KCNQ1: variants seen among roughly 807,000 people sequenced by gnomAD.
KCNQ1 encodes potassium voltage-gated channel subfamily KQT member 1.
A neutral mutation model predicts 72.4 loss-of-function variants in KCNQ1; 49 were observed. That is an observed-to-expected ratio of 0.68 (90% CI 0.54 to 0.86). KCNQ1 has a LOEUF of 0.86. KCNQ1 is among the 40% of genes least tolerant of loss of function. The pLI is 0.00. For missense variants in KCNQ1, 790 were observed against 945.1 expected, an observed-to-expected ratio of 0.84 and a Z score of 2.15; for synonymous variants, 450 against 412.6, an observed-to-expected ratio of 1.09 and a Z score of -1.10.
At position 2,662,084 on chromosome 11, in the gene KCNQ1, G is replaced by A. The variant is rs374767819; in HGVS notation, c.1514+3G>A. ...ACACCCATCACCCACATCTCACAGT[G>A]AGTGCCTACATGTGCGTGAAGGGCT... On this transcript the variant is annotated splice_donor_region_variant and intron_variant, in intron 11 of 15. Transcript: ENST00000155840. 2.5e-5 allele frequency: 41 copies of A among 1,614,086 alleles called. No homozygotes were observed. Among genetic ancestry groups the A allele is most frequent in the Middle Eastern group, 3.3e-4 (2 of 6,084 alleles).
At chr11:2,709,917 A>G (rs1850977455) in intron 11 of KCNQ1, among the ~76,000 whole-genome samples, 1 of 152,096 alleles carries the variant, frequency 6.6e-6, no homozygotes, top group Non-Finnish European at 1.5e-5. Flanking sequence ...TTTACTTTTT[A>G]GCTATTAGTG....
In KCNQ1 at chr11:2,614,687, T is replaced by G. The variant is rs1353252435; in HGVS notation, c.1393+25833T>G. 7.5e-6 allele frequency: 3 copies of G among 398,404 alleles called. No individual in the cohort carries two copies. The Admixed American group carries it at 1.3e-4, about 18-fold the overall frequency. 24.7% of individuals were successfully genotyped at this position (398,404 alleles called of 1,614,324 possible). A position where few individuals can be genotyped will look rare whatever the true frequency, so the allele number is the denominator to read the frequency against. Reference sequence around the variant, plus strand: ...TTGTTGAAAATGAATTGATCATATATGTGAGTGTTTATTTCTACATTCTCT... The same window carrying G: ...TTGTTGAAAATGAATTGATCATATAGGTGAGTGTTTATTTCTACATTCTCT... On this transcript the variant is annotated intron_variant, in intron 10 of 15. Coordinates refer to ENST00000155840, the MANE Select transcript of KCNQ1 (RefSeq NM_000218.3).
rs544200429 is a variant in KCNQ1 at position 2,825,221 on chromosome 11, G to A, written c.1795-22546G>A. ...GGCTTCCCCGACCCTGCTGTCGGGC[G>A]TGTGCCTTCATAGCCCAGGAAGCCA... On this transcript the variant is annotated intron_variant, in intron 15 of 15. Coordinates refer to ENST00000155840, the MANE Select transcript of KCNQ1 (RefSeq NM_000218.3). Among the ~76,000 whole-genome samples, 8 of 152,338 alleles carry A rather than the reference G, an allele frequency of 5.3e-5. No individual in the cohort carries two copies. The East Asian group carries it at 5.8e-4, about 11-fold the overall frequency.
chr11:2,685,675 C>T, intron 11 of KCNQ1: 1 of 398,614 alleles, frequency 2.5e-6, no homozygotes, highest in Non-Finnish European at 4.4e-6. Flanking sequence ...GTTCAGGGGT[C>T]CCATGTGGAC....
At position 2,484,801 on chromosome 11, in the gene KCNQ1, G is replaced by T. The variant is rs1846712921; in HGVS notation, c.386+39317G>T. Among the ~76,000 whole-genome samples, 1 of 152,206 alleles carries T rather than the reference G, an allele frequency of 6.6e-6. No individual in the cohort carries two copies. The highest frequency in any genetic ancestry group is 1.5e-5 in the Non-Finnish European group (1 of 68,048). On this transcript the variant is annotated intron_variant, in intron 1 of 15. Transcript: ENST00000155840. The surrounding 1 kb of genome is among the most constrained non-coding windows in gnomAD (Gnocchi z 5.2). ...ATGGCACCCCCACGTCTACGCTTCT[G>T]TGTTCATCTGCAGATATATTCATAC...
chr11:2,789,103 C>T (rs2237885), intron 15 of KCNQ1, among the ~76,000 whole-genome samples: 30,973 of 152,128 alleles, frequency 0.2, 3,460 homozygotes, highest in Admixed American at 0.29. Flanking sequence ...CCAGGCTCAG[C>T]AGGCACCTCT....
In KCNQ1 at chr11:2,818,132, T is replaced by C. The variant is rs942816373; in HGVS notation, c.1795-29635T>C. On this transcript the variant is annotated intron_variant, in intron 15 of 15. Coordinates refer to ENST00000155840, the MANE Select transcript of KCNQ1 (RefSeq NM_000218.3). The surrounding 1 kb of genome is among the most constrained non-coding windows in gnomAD (Gnocchi z 7.2). ...TGAGTTCCACAACATCTAAACCCAG[T>C]GTCTGCTGGCCCTCAGAGTGGGAGC... 2.6e-5 allele frequency among the ~76,000 whole-genome samples: 4 copies of C among 152,150 alleles called. No homozygotes were observed. Among genetic ancestry groups the C allele is most frequent in the African/African-American group, 9.7e-5 (4 of 41,430 alleles).
rs1047016857 is a variant in KCNQ1 at position 2,602,774 on chromosome 11, T to C, written c.1393+13920T>C. Among the ~76,000 whole-genome samples the C allele has an allele frequency of 1.3e-5, 2 of 152,254 alleles. No homozygotes were observed. The highest frequency in any genetic ancestry group is 6.5e-5 in the Admixed American group (1 of 15,286). On this transcript the variant is annotated intron_variant, in intron 10 of 15. Transcript: ENST00000155840. This position sits in a 1 kb window ranked among gnomAD's most constrained non-coding sequence, Gnocchi z 4.8. ...TTTTTCCATTTCCCAATTAGACTTT[T>C]TGTTAACTGTCGAGTTTTGGGAGAT...
chr11:2,533,471 G>C, intron 2 of KCNQ1, among the ~76,000 whole-genome samples: 1 of 152,248 alleles, frequency 6.6e-6, no homozygotes, highest in Non-Finnish European at 1.5e-5. Context: ...TTCAGAGGGG[G>C]CTGTGTGTGC....
intron 15 of KCNQ1, among the ~76,000 whole-genome samples, chr11:2,791,785 T>TCGCCGCGCCG (rs199870336): frequency 2.0e-5 from 3 of 151,694 alleles, no homozygotes; most frequent in East Asian, 2.0e-4. Flanking sequence ...GCCCAGGTCC[T>TCGCCGCGCCG]CGCCGCGCCG....
Position 2,826,557 on chromosome 11 carries a change from C to T in KCNQ1, c.1795-21210C>T, listed in dbSNP as rs111344134. Among the ~76,000 whole-genome samples, 1,755 of 152,354 alleles carry T rather than the reference C, an allele frequency of 0.012. 11 individuals are homozygous for T. The highest frequency in any genetic ancestry group is 0.019 in the Non-Finnish European group (1,299 of 68,026). ...CCTGCTGCTGCTTCCCCGAAGGCCT[C>T]CCCAGCAGACCTGCAGCTGGGCACC... On this transcript the variant is annotated intron_variant, in intron 15 of 15. Transcript: ENST00000155840. The surrounding 1 kb of genome is among the most constrained non-coding windows in gnomAD (Gnocchi z 4.2).
intron 10 of KCNQ1, chr11:2,650,807 T>C: frequency 2.5e-6 from 1 of 398,672 alleles, no homozygotes; most frequent in East Asian, 3.6e-5. Context: ...GCATGGGTCA[T>C]GTGGTTTTAT....
chr11:2,807,653 C>G (rs1014486231), intron 15 of KCNQ1, among the ~76,000 whole-genome samples: 1 of 152,074 alleles, frequency 6.6e-6, no homozygotes, highest in Admixed American at 6.5e-5. Flanking sequence ...CACAGGCGGG[C>G]GAGGGGCACC....
chr11:2,691,587 C>A lies in KCNQ1; in HGVS notation c.1514+29506C>A. On this transcript the variant is annotated intron_variant, in intron 11 of 15. Coordinates refer to ENST00000155840, the MANE Select transcript of KCNQ1 (RefSeq NM_000218.3). The surrounding 1 kb of genome is among the most constrained non-coding windows in gnomAD (Gnocchi z 6.4). ...ATACCTCAGCAAGGACGAGGCCTCCCTGAGGGAGTCAACCTAGCTTGTTCC... is the reference window on the plus strand; with the variant it reads ...ATACCTCAGCAAGGACGAGGCCTCCATGAGGGAGTCAACCTAGCTTGTTCC... The A allele has an allele frequency of 2.5e-6, 1 of 398,594 alleles. No individual in the cohort carries two copies. The highest frequency in any genetic ancestry group is 4.4e-6 in the Non-Finnish European group (1 of 226,054). The allele number at this position is 398,594 out of a possible 1,614,324, so 24.7% of individuals were successfully genotyped here.
chr11:2,561,671 C>T (rs997383380), intron 2 of KCNQ1, among the ~76,000 whole-genome samples: 4 of 152,254 alleles, frequency 2.6e-5, no homozygotes, highest in African/African-American at 9.6e-5. Flanking sequence ...CATCCTCCTC[C>T]TGCTTAGCGA....
At chr11:2,640,908 A>G (rs1849566177) in intron 10 of KCNQ1, 1 of 399,548 alleles carries the variant, frequency 2.5e-6, no homozygotes, top group Admixed American at 4.4e-5. Flanking sequence ...GCTCCCACAT[A>G]TGATAATAAC....
At chr11:2,800,819 C>T (rs529473211) in intron 15 of KCNQ1, among the ~76,000 whole-genome samples, 2 of 152,256 alleles carry the variant, frequency 1.3e-5, no homozygotes, top group African/African-American at 4.8e-5. Context: ...GACCATCTGC[C>T]GTCACCATTC....
rs1846500551 is a variant in KCNQ1, at chr11:2,766,524, A to T, written c.1515-2320A>T. On this transcript the variant is annotated intron_variant, in intron 11 of 15. Transcript: ENST00000155840. The surrounding 1 kb of genome is among the most constrained non-coding windows in gnomAD (Gnocchi z 4.4). ...AGGCTGAGCTTCAGAAGACATGATC[A>T]TTTCCACCATGGTGGAGATAGACTC... is the stretch of plus-strand genomic sequence containing the variant. Among the ~76,000 whole-genome samples the T allele has an allele frequency of 6.6e-6, 1 of 152,208 alleles. No homozygotes were observed. The highest frequency in any genetic ancestry group is 1.5e-5 in the Non-Finnish European group (1 of 68,030).
At position 2,515,793 on chromosome 11, in the gene KCNQ1, C is replaced by A. The variant is rs1338721679; in HGVS notation, c.387-12135C>A. Among the ~76,000 whole-genome samples the A allele has an allele frequency of 6.6e-6, 1 of 152,108 alleles. No homozygotes were observed. Among genetic ancestry groups the A allele is most frequent in the Non-Finnish European group, 1.5e-5 (1 of 68,006 alleles). ...CTTGGTGTGGCCGGCCCTGGGAGCA[C>A]AGAGCCCCGTTCCCAGCAGCCCTCG... On this transcript the variant is annotated intron_variant, in intron 1 of 15. Transcript: ENST00000155840. The surrounding 1 kb of genome is among the most constrained non-coding windows in gnomAD (Gnocchi z 4.7).
Sources: allele counts gnomAD v4.1 joint callset (sites outside exome capture counted in the v4.1 genomes callset), GRCh38; gene constraint gnomAD v4.1.1; non-coding constraint Gnocchi (gnomAD v3.1); transcripts MANE v1.5; gene names NCBI Gene and HGNC (gene_info 2026-07-23, HGNC 2026-07-21).